ZNF138: variants seen among roughly 807,000 people sequenced by gnomAD.
ZNF138 encodes the protein zinc finger protein 138.
A neutral mutation model predicts 33.0 loss-of-function variants in ZNF138; 33 were observed. The ratio of observed to expected loss-of-function variants is 1.00; its 90% CI spans 0.76 to 1.34. The LOEUF (loss-of-function observed/expected upper bound fraction) is 1.34. ZNF138 is among the 40% of genes most tolerant of loss of function. The pLI, the probability that ZNF138 is intolerant of heterozygous loss-of-function variation, is 0.00. For synonymous variants in ZNF138, 139 were observed against 120.4 expected, an observed-to-expected ratio of 1.15 and a Z score of -1.01; for missense variants, 360 against 370.8, an observed-to-expected ratio of 0.97 and a Z score of 0.24.
chr7:64,812,425 G>A (rs1341575072), intron 1 of ZNF138, among the ~76,000 whole-genome samples: 1 of 152,126 alleles, frequency 6.6e-6, no homozygotes, highest in Non-Finnish European at 1.5e-5. Context: ...CTCCCAAAGT[G>A]TTGGGATTAC....
intron 1 of ZNF138, among the ~76,000 whole-genome samples, chr7:64,813,800 A>T (rs1788382124): frequency 6.6e-6 from 1 of 152,094 alleles, no homozygotes; most frequent in Non-Finnish European, 1.5e-5. Context: ...TGCAGCAGTG[A>T]TGCCGTGTTT....
intron 1 of ZNF138, among the ~76,000 whole-genome samples, chr7:64,810,502 A>G (rs1225913389): frequency 6.6e-6 from 1 of 150,834 alleles, no homozygotes; most frequent in East Asian, 2.0e-4. Flanking sequence ...ATGCCTTGCT[A>G]AGAATACTTA....
At chr7:64,835,168 C>G (rs1416300621), downstream of ZNF138, 1 of 152,174 alleles carries the variant, frequency 6.6e-6, no homozygotes, top group Non-Finnish European at 1.5e-5. Flanking sequence ...GAAAGGTGAA[C>G]CCGGAAATGC....
At chr7:64,847,333 T>TATATATATATATATA in the ZNF138 span, among the ~76,000 whole-genome samples, 134 of 90,910 alleles carry the variant, frequency 1.5e-3, no homozygotes, top group African/African-American at 5.6e-3. Context: ...TATATATATA[T>TATATATATATATATA]TTTTTTTTTT....
the ZNF138 span, among the ~76,000 whole-genome samples, chr7:64,851,008 G>A: frequency 6.6e-6 from 1 of 151,826 alleles, no homozygotes; most frequent in African/African-American, 2.4e-5. Flanking sequence ...TACATTATGG[G>A]GTACAATGAG....
chr7:64,842,170 G>T, the ZNF138 span, among the ~76,000 whole-genome samples: 2 of 152,112 alleles, frequency 1.3e-5, no homozygotes, highest in African/African-American at 4.8e-5. Context: ...TGCAAGCAAT[G>T]CTCCTGCCTC....
chr7:64,799,537 T>G lies in ZNF138; in HGVS notation c.3+4966T>G, dbSNP rs1409779164. Among the ~76,000 whole-genome samples the G allele has an allele frequency of 4.6e-5, 7 of 152,334 alleles. No individual in the cohort carries two copies. In the South Asian group the frequency reaches 6.2e-4, roughly 14 times the overall value. ...TGTCATATCTGACTTATTTAAGCAG[T>G]GTTTTGTAATTCTTGTAGAGATCTT... On this transcript the variant is annotated intron_variant, in intron 1 of 3. Transcript: ENST00000307355.
rs575016559 is a variant in ZNF138 at position 64,825,258 on chromosome 7, T to C, written c.209-6193T>C. ...CGCGATCTCGGCTCACTGCAAGCTC[T>C]GCCTCCCGGGTTCACGCCATTCTTC... On this transcript the variant is annotated intron_variant, in intron 3 of 3. Coordinates refer to ENST00000307355, the MANE Select transcript of ZNF138 (RefSeq NM_001271639.2). 3.8e-3 allele frequency among the ~76,000 whole-genome samples: 484 copies of C among 127,460 alleles called. 4 individuals are homozygous for C. Among genetic ancestry groups the C allele is most frequent in the African/African-American group, 0.013 (450 of 34,072 alleles). 83.6% of individuals were successfully genotyped at this position (127,460 alleles called of 152,430 possible). A position where few individuals can be genotyped will look rare whatever the true frequency, so the allele number is the denominator to read the frequency against.
At chr7:64,797,699 T>G (rs1440591529) in intron 1 of ZNF138, among the ~76,000 whole-genome samples, 1 of 152,172 alleles carries the variant, frequency 6.6e-6, no homozygotes, top group African/African-American at 2.4e-5. Context: ...AGGGTCATAC[T>G]CAGGATGAAG....
the ZNF138 span, chr7:64,853,035 T>C: frequency 6.7e-7 from 1 of 1,489,884 alleles, no homozygotes; most frequent in Non-Finnish European, 9.4e-7. Context: ...TAGAGGTCAC[T>C]GAGGACATTG....
intron 3 of ZNF138, among the ~76,000 whole-genome samples, chr7:64,827,798 A>G (rs866663952): frequency 1.3e-5 from 2 of 151,640 alleles, no homozygotes; most frequent in African/African-American, 4.8e-5. Flanking sequence ...TCATGTTTTA[A>G]TTTTCTTCTG....
At chr7:64,794,827 A>C (rs1399853816) in intron 1 of ZNF138, among the ~76,000 whole-genome samples, 1 of 152,074 alleles carries the variant, frequency 6.6e-6, no homozygotes, top group African/African-American at 2.4e-5. Context: ...GCAGCTCTGC[A>C]CCCGCAGCGA....
At chr7:64,859,223 GACAA>G in the ZNF138 span, among the ~76,000 whole-genome samples, 3 of 152,162 alleles carry the variant, frequency 2.0e-5, no homozygotes, top group African/African-American at 7.2e-5. Flanking sequence ...ACGACGCCTG[GACAA>G]CTTTGTCATT....
intron 3 of ZNF138, among the ~76,000 whole-genome samples, chr7:64,820,253 G>A (rs1401832444): frequency 6.9e-6 from 1 of 145,564 alleles, no homozygotes; most frequent in Non-Finnish European, 1.5e-5. Context: ...TGGGGGCGGA[G>A]TGTGACTACT....
At chr7:64,849,052 T>C in the ZNF138 span, among the ~76,000 whole-genome samples, 1 of 152,144 alleles carries the variant, frequency 6.6e-6, no homozygotes, top group Non-Finnish European at 1.5e-5. Flanking sequence ...AGAATTGTTT[T>C]TCTGGTTCCT....
intron 1 of ZNF138, among the ~76,000 whole-genome samples, chr7:64,800,398 A>G (rs897014886): frequency 3.9e-5 from 6 of 152,184 alleles, no homozygotes; most frequent in Non-Finnish European, 5.9e-5. Context: ...TTAACATGAA[A>G]GATGTTAAAA....
intron 1 of ZNF138, among the ~76,000 whole-genome samples, chr7:64,804,978 TGAGACCC>T (rs1484385852): frequency 6.6e-6 from 1 of 152,180 alleles, no homozygotes; most frequent in African/African-American, 2.4e-5. Context: ...AAAAATTCTT[TGAGACCC>T]TATTTCTATC....
At chr7:64,834,994 A>G (rs6971507), downstream of ZNF138, among the ~76,000 whole-genome samples, 150,044 of 152,286 alleles carry the variant, frequency 0.99, 73,958 homozygotes, top group East Asian at 1. Context: ...TCACTGGTCC[A>G]CAGGGGGAGG....
At chr7:64,817,784 T>C (rs1389042312) in intron 3 of ZNF138, among the ~76,000 whole-genome samples, 1 of 152,098 alleles carries the variant, frequency 6.6e-6, no homozygotes, top group Non-Finnish European at 1.5e-5. Flanking sequence ...CTATTTCATA[T>C]TTATCTGTAA....
Sources: allele counts gnomAD v4.1 joint callset (sites outside exome capture counted in the v4.1 genomes callset), GRCh38; gene constraint gnomAD v4.1.1; transcripts MANE v1.5; gene names NCBI Gene and HGNC (gene_info 2026-07-23, HGNC 2026-07-21).